Variants in GRID1 observed in about 807,000 individuals in gnomAD.
GRID1 encodes glutamate receptor ionotropic, delta-1.
A neutral mutation model predicts 98.0 loss-of-function variants in GRID1; 28 were observed. The ratio of observed to expected loss-of-function variants is 0.29; its 90% CI spans 0.21 to 0.39. GRID1 has a LOEUF of 0.39. GRID1 is among the 10% of genes least tolerant of loss of function. GRID1 has a pLI of 1.00. For missense variants in GRID1, 1,111 were observed against 1,340.5 expected, an observed-to-expected ratio of 0.83 and a Z score of 2.67; for synonymous variants, 553 against 538.5, an observed-to-expected ratio of 1.03 and a Z score of -0.37.
At chr10:85,912,262 C>T (rs1564624817) in intron 5 of GRID1, among the ~76,000 whole-genome samples, 1 of 152,134 alleles carries the variant, frequency 6.6e-6, no homozygotes, top group Non-Finnish European at 1.5e-5. Context: ...CCTAATCAGT[C>T]AATAAAAATA....
chr10:85,801,626 T>C (rs986730048), intron 8 of GRID1, among the ~76,000 whole-genome samples: 2 of 151,884 alleles, frequency 1.3e-5, no homozygotes, highest in East Asian at 1.9e-4. Context: ...GATAAAATTA[T>C]ATTAGGAATG....
intron 12 of GRID1, among the ~76,000 whole-genome samples, chr10:85,649,316 C>T (rs2351821): frequency 0.33 from 50,513 of 151,964 alleles, 8,888 homozygotes; most frequent in African/African-American, 0.45. Flanking sequence ...GCTCAGTATT[C>T]GTTTCAATAC....
chr10:85,950,020 T>C (rs965686023), intron 4 of GRID1, among the ~76,000 whole-genome samples: 6 of 151,884 alleles, frequency 4.0e-5, no homozygotes, highest in South Asian at 2.1e-4. Flanking sequence ...GATGGGTAGA[T>C]AGATAAATAG....
intron 2 of GRID1, among the ~76,000 whole-genome samples, chr10:86,329,090 A>C (rs774180795): frequency 1.1e-4 from 17 of 152,226 alleles, no homozygotes; most frequent in Non-Finnish European, 2.1e-4. Context: ...CAGAGAAAGA[A>C]GCAGGGGTGT....
intron 12 of GRID1, among the ~76,000 whole-genome samples, chr10:85,667,785 G>A (rs768308551): frequency 2.6e-5 from 4 of 152,178 alleles, no homozygotes; most frequent in East Asian, 1.9e-4. Context: ...CAGCCTGTTC[G>A]TGTATATCAT....
intron 8 of GRID1, among the ~76,000 whole-genome samples, chr10:85,762,366 T>C (rs1195967497): frequency 2.0e-5 from 3 of 152,264 alleles, no homozygotes; most frequent in South Asian, 4.1e-4. Flanking sequence ...ATGTAATTTA[T>C]AATAACCAAG....
chr10:86,040,994 T>C (rs1033633010), intron 4 of GRID1, among the ~76,000 whole-genome samples: 5 of 152,148 alleles, frequency 3.3e-5, no homozygotes, highest in African/African-American at 9.7e-5. Context: ...AACTTGGCTC[T>C]CTCTGGGCTC....
intron 2 of GRID1, among the ~76,000 whole-genome samples, chr10:86,262,609 C>T (rs1333227780): frequency 6.6e-6 from 1 of 152,214 alleles, no homozygotes; most frequent in Non-Finnish European, 1.5e-5. Context: ...CTCTGGACCA[C>T]AGCCCTGTTA....
chr10:85,822,551 A>G (rs1475062436), intron 8 of GRID1, among the ~76,000 whole-genome samples: 4 of 152,198 alleles, frequency 2.6e-5, no homozygotes, highest in African/African-American at 9.7e-5. Context: ...AGTGCTGGAG[A>G]GGATGTGGAG....
chr10:86,069,092 A>G (rs755649326), intron 4 of GRID1, among the ~76,000 whole-genome samples: 1 of 151,812 alleles, frequency 6.6e-6, no homozygotes, highest in Non-Finnish European at 1.5e-5. Flanking sequence ...GGTTGGGAGG[A>G]CTGAGGATGG....
intron 4 of GRID1, among the ~76,000 whole-genome samples, chr10:85,950,446 A>G (rs116362868): frequency 8.5e-5 from 13 of 152,332 alleles, no homozygotes; most frequent in African/African-American, 3.1e-4. Context: ...TGAAATGTCC[A>G]AAGAAAAGCA....
intron 14 of GRID1, among the ~76,000 whole-genome samples, chr10:85,613,996 G>A (rs1842762091): frequency 6.6e-6 from 1 of 152,186 alleles, no homozygotes; most frequent in South Asian, 2.1e-4. Flanking sequence ...CATGAAAGAG[G>A]CAAACATTTA....
At chr10:85,729,450 G>T (rs890394523) in intron 9 of GRID1, 63 bp downstream of exon 9, 3 of 907,512 alleles carry the variant, frequency 3.3e-6, no homozygotes, top group Non-Finnish European at 5.4e-6. Context: ...TAAACAGAAA[G>T]CAGCCTCTGA....
At chr10:85,798,037 C>T (rs994114349) in intron 8 of GRID1, among the ~76,000 whole-genome samples, 1 of 152,118 alleles carries the variant, frequency 6.6e-6, no homozygotes, top group Non-Finnish European at 1.5e-5. Flanking sequence ...TGGTTGATTC[C>T]ATGTCTTTTC....
chr10:86,144,248 G>T (rs550750932), intron 3 of GRID1, among the ~76,000 whole-genome samples: 2 of 152,170 alleles, frequency 1.3e-5, no homozygotes, highest in African/African-American at 2.4e-5. Flanking sequence ...GGTGGGATAG[G>T]AAAGACCCTG....
At chr10:86,343,432 T>C (rs866196431) in intron 2 of GRID1, among the ~76,000 whole-genome samples, 1 of 152,332 alleles carries the variant, frequency 6.6e-6, no homozygotes, top group South Asian at 2.1e-4. Flanking sequence ...ATCTCACTAA[T>C]GGAAAGAAAC....
At chr10:86,353,790 G>A (rs1038258395) in intron 2 of GRID1, among the ~76,000 whole-genome samples, 5 of 152,216 alleles carry the variant, frequency 3.3e-5, no homozygotes, top group Non-Finnish European at 5.9e-5. Flanking sequence ...AGGTGAGTGA[G>A]GGCAGGTACC....
At chr10:85,928,077 G>A (rs1841800480) in intron 4 of GRID1, among the ~76,000 whole-genome samples, 1 of 152,186 alleles carries the variant, frequency 6.6e-6, no homozygotes, top group Non-Finnish European at 1.5e-5. Flanking sequence ...GCTGCATAAA[G>A]ACAGATGCTG....
intron 5 of GRID1, among the ~76,000 whole-genome samples, chr10:85,875,932 G>A (rs781694520): frequency 2.6e-5 from 4 of 152,128 alleles, no homozygotes; most frequent in Non-Finnish European, 1.5e-5. Flanking sequence ...TCCTTCTCCT[G>A]AAGTATATGA....
Sources: allele counts gnomAD v4.1 joint callset (sites outside exome capture counted in the v4.1 genomes callset), GRCh38; gene constraint gnomAD v4.1.1; transcripts MANE v1.5; gene names NCBI Gene and HGNC (gene_info 2026-07-23, HGNC 2026-07-21).